The following MOCOS variants were observed in gnomAD, a reference collection of about 807,000 sequenced individuals.
The protein encoded by MOCOS is molybdenum cofactor sulfurase, also known as human molybdenum cofactor sulfurase.
In MOCOS, 86 loss-of-function variants were observed where a neutral mutation model predicts 83.6. The observed-to-expected ratio is 1.03, with a 90% confidence interval of 0.86 to 1.23. The LOEUF (loss-of-function observed/expected upper bound fraction) is 1.23, where lower values mean the gene tolerates loss of function less well. Ranked by LOEUF, MOCOS falls within the 50% of genes most tolerant of loss-of-function variation. The probability of loss-of-function intolerance (pLI) is 0.00; values close to 1 mark genes in which losing one functional copy is unlikely to be tolerated. For missense variants in MOCOS, 1,120 were observed against 1,126.9 expected (o/e 0.99, Z 0.09); for synonymous variants, 445 against 434.7 (o/e 1.02, Z -0.29).
At chr18:36,187,888 C>G (rs1235208691) in intron 1 of MOCOS, among the ~76,000 whole-genome samples, 1 of 152,230 alleles carries the variant, frequency 6.6e-6, no homozygotes, top group East Asian at 1.9e-4. Flanking sequence ...TCTTACTCTT[C>G]CGACTTTCCG....
rs948636410 is a variant in MOCOS, at chr18:36,218,582, A to G, written c.1798-1473A>G. 2.6e-4 allele frequency among the ~76,000 whole-genome samples: 39 copies of G among 152,090 alleles called. 1 individual carries two copies. Among genetic ancestry groups the G allele is most frequent in the Admixed American group, 1.3e-4 (2 of 15,268 alleles). ...CAGGCTGGAATACAGTGCTGCCATCAAAGCTCACTGCAGTTTTGAACTCCT... is the reference window on the plus strand; with the variant it reads ...CAGGCTGGAATACAGTGCTGCCATCGAAGCTCACTGCAGTTTTGAACTCCT... On this transcript the variant is annotated intron_variant, in intron 8 of 14. Transcript: ENST00000261326.
intron 10 of MOCOS, 22 bp from the exon 11 acceptor site, chr18:36,251,137 C>G: frequency 6.2e-7 from 1 of 1,606,672 alleles, no homozygotes; most frequent in Non-Finnish European, 8.5e-7. Context: ...ACAGTTCACT[C>G]TTTCTCTCTC....
In MOCOS at chr18:36,257,010, A is replaced by G. The variant is rs2091644198; in HGVS notation, c.2207A>G (p.Glu736Gly). The change falls in exon 12 of 15, where the codon GAG (glutamate) becomes GGG (glycine). Residue 736 changes from glutamate (E) to glycine (G), a missense_variant. Transcript: ENST00000261326. ...GTMATLSLVN[E>G]AQYLLINTSS... is the part of the protein sequence containing the mutation. ...ATGGCCACCCTTTCTCTGGTGAATGAGGCACAGTATCTGCTGATCAACACA... is the reference window on the plus strand; with the variant it reads ...ATGGCCACCCTTTCTCTGGTGAATGGGGCACAGTATCTGCTGATCAACACA... 6.2e-7 allele frequency: 1 copy of G among 1,614,026 alleles called. No individual in the cohort carries two copies.
At chr18:36,188,169 C>T (rs1232269714) in intron 1 of MOCOS, among the ~76,000 whole-genome samples, 4 of 152,216 alleles carry the variant, frequency 2.6e-5, no homozygotes, top group African/African-American at 4.8e-5. Flanking sequence ...TGGCCGGGGC[C>T]TCCCGAGGCT....
chr18:36,234,779 C>T (rs512287), intron 9 of MOCOS, among the ~76,000 whole-genome samples: 67,821 of 151,886 alleles, frequency 0.45, 15,533 homozygotes, highest in African/African-American at 0.53. Context: ...TTTAAATGGC[C>T]GGGGAAGCCT....
intron 3 of MOCOS, among the ~76,000 whole-genome samples, chr18:36,199,212 TA>T (rs2144899992): frequency 6.6e-6 from 1 of 152,346 alleles, no homozygotes; most frequent in South Asian, 2.1e-4. Context: ...TTTCTAAACA[TA>T]ACAGTATCTG....
At chr18:36,243,139 A>G (rs1205008329) in intron 9 of MOCOS, among the ~76,000 whole-genome samples, 1 of 152,098 alleles carries the variant, frequency 6.6e-6, no homozygotes, top group African/African-American at 2.4e-5. Context: ...CTGAAACTTT[A>G]CTAACTTCAT....
Position 36,205,177 on chromosome 18 carries a change from G to C in MOCOS, c.1119G>C (p.Arg373=). The stretch of plus-strand genomic sequence containing the variant: ...ACCCCAATGGAGCCCCTGTGGTGCG[G>C]ATTTACAGCGATTCTGAGTTCAGCA... ...LQYPNGAPVV[R]IYSDSEFSSP... is the part of the protein sequence containing the mutation. The change falls in exon 6 of 15, where the codon CGG becomes CGC. Residue 373 remains arginine, a synonymous_variant. Transcript: ENST00000261326. The C allele has an allele frequency of 6.2e-7, 1 of 1,613,888 alleles. No individual in the cohort carries two copies. Among genetic ancestry groups the C allele is most frequent in the Non-Finnish European group, 8.5e-7 (1 of 1,179,902 alleles).
intron 9 of MOCOS, among the ~76,000 whole-genome samples, chr18:36,226,478 C>CT (rs34534078): frequency 2.7e-5 from 4 of 150,716 alleles, no homozygotes; most frequent in Non-Finnish European, 4.4e-5. Context: ...TTTTATGCTT[C>CT]TTTTTTTTTA....
At chr18:36,257,512 G>A (rs1015251823) in intron 12 of MOCOS, among the ~76,000 whole-genome samples, 1 of 152,038 alleles carries the variant, frequency 6.6e-6, no homozygotes, top group Non-Finnish European at 1.5e-5. Context: ...TGTAATTGCA[G>A]GCACACTTTA....
chr18:36,227,828 T>C (rs1022258610), intron 9 of MOCOS, among the ~76,000 whole-genome samples: 4 of 152,040 alleles, frequency 2.6e-5, no homozygotes, highest in African/African-American at 9.7e-5. Flanking sequence ...AAAGCAAAAA[T>C]TGACAAATGG....
chr18:36,195,300 G>C lies in MOCOS; in HGVS notation c.186G>C (p.Gln62His). The C allele has an allele frequency of 6.2e-7, 1 of 1,614,142 alleles. No individual in the cohort carries two copies. Among genetic ancestry groups the C allele is most frequent in the Non-Finnish European group, 8.5e-7 (1 of 1,180,006 alleles). ...ATGCAGGTGCCACCTTGTTCTCCCA[G>C]AGCCAGCTCGAAAGCTTCACTAGTG... ...LDHAGATLFS[Q>H]SQLESFTSDL... The change falls in exon 2 of 15, where the codon CAG becomes CAC. Residue 62 changes from glutamine to histidine, a missense_variant. By Grantham distance (24) the Gln-to-His change is conservative. Transcript: ENST00000261326.
intron 2 of MOCOS, among the ~76,000 whole-genome samples, chr18:36,196,172 A>C (rs1414720510): frequency 6.6e-6 from 1 of 152,248 alleles, no homozygotes; most frequent in Non-Finnish European, 1.5e-5. Flanking sequence ...TGGCATTGTC[A>C]TCAGTGGCAT....
At chr18:36,213,526 C>A in intron 7 of MOCOS, 44 bp downstream of exon 7, 1 of 1,516,140 alleles carries the variant, frequency 6.6e-7, no homozygotes, top group East Asian at 2.3e-5. Flanking sequence ...CAGCGAGACC[C>A]AGCAACACCT....
chr18:36,265,841 G>A (rs1425240308), intron 13 of MOCOS, among the ~76,000 whole-genome samples: 1 of 151,878 alleles, frequency 6.6e-6, no homozygotes, highest in African/African-American at 2.4e-5. Flanking sequence ...TTATTTAAAG[G>A]TTTTTATAGA....
chr18:36,242,735 G>C (rs1228741817), intron 9 of MOCOS, among the ~76,000 whole-genome samples: 3 of 152,152 alleles, frequency 2.0e-5, no homozygotes, highest in Non-Finnish European at 4.4e-5. Flanking sequence ...GAGAGAGAAG[G>C]GGGTAGGAGG....
At chr18:36,239,132 A>G (rs2091571131) in intron 9 of MOCOS, among the ~76,000 whole-genome samples, 1 of 150,928 alleles carries the variant, frequency 6.6e-6, no homozygotes, top group African/African-American at 2.4e-5. Context: ...TAGTCCATTT[A>G]CATTTAAAGT....
intron 9 of MOCOS, among the ~76,000 whole-genome samples, chr18:36,241,577 G>T (rs1218344379): frequency 6.6e-6 from 1 of 152,182 alleles, no homozygotes; most frequent in Admixed American, 6.5e-5. Context: ...TCATTCTGGG[G>T]TCTGGAGGAC....
rs551934314 is a variant in MOCOS, at chr18:36,237,344, G to C, written c.1961-11578G>C. 4.1e-3 allele frequency among the ~76,000 whole-genome samples: 626 copies of C among 151,906 alleles called. 3 individuals carry two copies. Among genetic ancestry groups the C allele is most frequent in the African/African-American group, 0.015 (601 of 41,352 alleles). ...TTTATTGAGAGTTTTTAGCATGAAG[G>C]TTGTTGAATTTTGTCAAAGGCCTTT... On this transcript the variant is annotated intron_variant, in intron 9 of 14. Transcript: ENST00000261326.
Sources: allele counts gnomAD v4.1 joint callset (sites outside exome capture counted in the v4.1 genomes callset), GRCh38; gene constraint gnomAD v4.1.1; transcripts MANE v1.5; gene names NCBI Gene and HGNC (gene_info 2026-07-23, HGNC 2026-07-21).